Variants in SMYD3 observed in about 807,000 individuals in gnomAD.
SMYD3 encodes the protein SET and MYND domain containing 3, also known as histone-lysine N-methyltransferase SMYD3.
A neutral mutation model predicts 57.7 loss-of-function variants in SMYD3; 36 were observed. The ratio of observed to expected loss-of-function variants is 0.62; its 90% confidence interval spans 0.48 to 0.82. The LOEUF is 0.82. SMYD3 is among the 40% of genes least tolerant of loss of function. The pLI is 0.00. For missense variants in SMYD3, 515 were observed against 538.8 expected, an observed-to-expected ratio of 0.96 and a Z score of 0.44; for synonymous variants, 211 against 195.0, an observed-to-expected ratio of 1.08 and a Z score of -0.68.
At chr1:245,770,078 C>T (rs1255156282) in intron 10 of SMYD3, among the ~76,000 whole-genome samples, 1 of 152,228 alleles carries the variant, frequency 6.6e-6, no homozygotes, top group African/African-American at 2.4e-5. Context: ...TATTTCAGAC[C>T]AAGCAGCTTA....
intron 10 of SMYD3, among the ~76,000 whole-genome samples, chr1:245,848,467 G>A (rs1039322166): frequency 6.6e-6 from 1 of 151,998 alleles, no homozygotes; most frequent in African/African-American, 2.4e-5. Context: ...ACCCAAGTTG[G>A]AGCATGTGGT....
At chr1:245,782,160 T>G (rs2046855930) in intron 10 of SMYD3, among the ~76,000 whole-genome samples, 2 of 152,178 alleles carry the variant, frequency 1.3e-5, no homozygotes, top group South Asian at 4.1e-4. Context: ...GAAGGGTATA[T>G]GCATTTCCTA....
In SMYD3 at chr1:246,099,431, T is replaced by G. The variant is rs185090136; in HGVS notation, c.532-169494A>C. Among the ~76,000 whole-genome samples the G allele has an allele frequency of 5.3e-5, 8 of 152,296 alleles. No homozygotes were observed. The East Asian group carries it at 1.4e-3, about 26-fold the overall frequency. On this transcript the variant is annotated intron_variant, in intron 5 of 11. Coordinates refer to ENST00000490107, the MANE Select transcript of SMYD3 (RefSeq NM_001167740.2). Reference sequence around the variant, plus strand: ...AATGACTGACACTGAGTCCTAGCACTGTCACCAATATCCCGAACAATCAAG... The same window carrying G: ...AATGACTGACACTGAGTCCTAGCACGGTCACCAATATCCCGAACAATCAAG...
rs2068090150 is a variant in SMYD3, at chr1:246,480,819, G to C, written c.164+26235C>G. Among the ~76,000 whole-genome samples the C allele has an allele frequency of 4.6e-5, 7 of 151,550 alleles. No homozygotes were observed. In the South Asian group the frequency reaches 1.5e-3, roughly 31 times the overall value. ...TCTTTTTTTTTTCTTTTTTGAGACAGAGTCTTGCTCTGTCACCCAGGCTGA... is the reference window on the plus strand; with the variant it reads ...TCTTTTTTTTTTCTTTTTTGAGACACAGTCTTGCTCTGTCACCCAGGCTGA... On this transcript the variant is annotated intron_variant, in intron 1 of 11. Coordinates refer to ENST00000490107, the MANE Select transcript of SMYD3 (RefSeq NM_001167740.2).
At chr1:245,875,405 AAT>A (rs1420256304) in intron 8 of SMYD3, among the ~76,000 whole-genome samples, 4 of 152,318 alleles carry the variant, frequency 2.6e-5, no homozygotes, top group African/African-American at 4.8e-5. Flanking sequence ...GAGAGCTGGA[AAT>A]AGATATTCAA....
rs2045251054 is a variant in SMYD3 at position 245,749,644 on chromosome 1, C to T, written c.1206G>A (p.Val402=). Residue 402 remains valine, a synonymous_variant, in exon 12 of 12, where the codon GTG becomes GTA. Coordinates refer to ENST00000490107, the MANE Select transcript of SMYD3 (RefSeq NM_001167740.2). ...TCAGGCTGTGTTCTCTGCCATGTGT[C>T]ACTCTCATAATATCAAAAGCCTAAA... is the stretch of plus-strand genomic sequence containing the variant. ...NLRLAFDIMR[V]THGREHSLIE... 3 of 1,614,032 alleles carry T rather than the reference C, an allele frequency of 1.9e-6. No individual in the cohort carries two copies. Among genetic ancestry groups the T allele is most frequent in the Non-Finnish European group, 2.5e-6 (3 of 1,179,918 alleles).
At chr1:246,096,028 A>G (rs1458400417) in intron 5 of SMYD3, among the ~76,000 whole-genome samples, 1 of 152,206 alleles carries the variant, frequency 6.6e-6, no homozygotes, top group Non-Finnish European at 1.5e-5. Context: ...TTTCTTCAAT[A>G]TTTATTGGAA....
At chr1:246,287,991 C>T (rs183101615) in intron 5 of SMYD3, among the ~76,000 whole-genome samples, 4 of 151,918 alleles carry the variant, frequency 2.6e-5, no homozygotes, top group Admixed American at 6.6e-5. Context: ...GCCCCCACCC[C>T]CAGACACTTA....
chr1:245,958,908 T>C (rs540802536), intron 5 of SMYD3, among the ~76,000 whole-genome samples: 1 of 152,232 alleles, frequency 6.6e-6, no homozygotes, highest in Admixed American at 6.5e-5. Flanking sequence ...CTCTTTTTTG[T>C]TGTTGTTTGG....
chr1:246,329,313 T>G (rs1157535240), intron 4 of SMYD3, among the ~76,000 whole-genome samples: 1 of 152,192 alleles, frequency 6.6e-6, no homozygotes, highest in Non-Finnish European at 1.5e-5. Flanking sequence ...ACCAACAGTG[T>G]AAAAGTGTTC....
intron 7 of SMYD3, among the ~76,000 whole-genome samples, chr1:245,924,593 G>C (rs2056226583): frequency 1.3e-5 from 2 of 150,882 alleles, no homozygotes; most frequent in African/African-American, 2.4e-5. Context: ...CTTCCTTTCA[G>C]GAGCCATGGG....
chr1:245,810,121 C>T (rs1050254449), intron 10 of SMYD3, among the ~76,000 whole-genome samples: 2 of 152,186 alleles, frequency 1.3e-5, no homozygotes, highest in Non-Finnish European at 2.9e-5. Flanking sequence ...GCGGCCTTGT[C>T]TCTTTCCGCA....
intron 1 of SMYD3, among the ~76,000 whole-genome samples, chr1:246,398,858 T>C (rs916247783): frequency 6.6e-6 from 1 of 152,198 alleles, no homozygotes; most frequent in South Asian, 2.1e-4. Context: ...CTATATAAAA[T>C]AGACAGTATC....
At chr1:245,751,277 T>C (rs1230065815) in intron 11 of SMYD3, among the ~76,000 whole-genome samples, 4 of 152,168 alleles carry the variant, frequency 2.6e-5, no homozygotes, top group East Asian at 1.9e-4. Context: ...AGCATGAACA[T>C]CTTGAAAACC....
chr1:246,002,117 A>C (rs1373459636), intron 5 of SMYD3, among the ~76,000 whole-genome samples: 1 of 152,182 alleles, frequency 6.6e-6, no homozygotes, highest in Admixed American at 6.5e-5. Flanking sequence ...ACAAGTCATA[A>C]GTCCACTGAG....
intron 8 of SMYD3, among the ~76,000 whole-genome samples, chr1:245,878,041 T>C (rs558960246): frequency 4.7e-5 from 7 of 148,084 alleles, no homozygotes; most frequent in Non-Finnish European, 1.1e-4. Context: ...GGACAGGTGG[T>C]GTGGAACTCA....
intron 5 of SMYD3, among the ~76,000 whole-genome samples, chr1:246,272,044 G>C (rs1276745789): frequency 6.6e-6 from 1 of 152,058 alleles, no homozygotes; most frequent in Admixed American, 6.6e-5. Flanking sequence ...TTATTCTTTT[G>C]GATGGAATTG....
chr1:246,215,135 T>C (rs990192013), intron 5 of SMYD3, among the ~76,000 whole-genome samples: 1 of 152,136 alleles, frequency 6.6e-6, no homozygotes, highest in Admixed American at 6.5e-5. Flanking sequence ...TGCTGGCGGC[T>C]AGATATGCCT....
intron 1 of SMYD3, among the ~76,000 whole-genome samples, chr1:246,370,282 A>C (rs181591953): frequency 5.2e-4 from 79 of 152,314 alleles, no homozygotes; most frequent in African/African-American, 1.9e-3. Context: ...AGGCAGACCA[A>C]CACACATCAC....
Sources: gnomAD v4.1 joint callset for allele counts (sites outside exome capture counted in the v4.1 genomes callset) on GRCh38, gnomAD v4.1.1 for gene constraint, MANE v1.5 for transcripts, NCBI Gene and HGNC (gene_info 2026-07-23, HGNC 2026-07-21) for gene names.